CHFR: variants seen among roughly 807,000 people sequenced by gnomAD.
The protein encoded by CHFR is checkpoint with forkhead and ring finger domains.
Under a neutral mutation model 87.6 loss-of-function variants are expected in CHFR, and 57 were observed. The observed-to-expected ratio is 0.65, with a 90% confidence interval of 0.53 to 0.81. The LOEUF is 0.81. Among genes scored for constraint, CHFR ranks in the 30% least tolerant of loss-of-function variants. The pLI, the probability that CHFR is intolerant of heterozygous loss-of-function variation, is 0.00. For missense variants in CHFR, 797 were observed against 865.8 expected, an observed-to-expected ratio of 0.92 and a Z score of 1.00; for synonymous variants, 381 against 359.2, an observed-to-expected ratio of 1.06 and a Z score of -0.69.
chr12:132,877,403 A>G (rs1951653354), intron 3 of CHFR, 152 bp downstream of exon 3: 1 of 521,904 alleles, frequency 1.9e-6, no homozygotes, highest in African/African-American at 2.0e-5. Flanking sequence ...GCTAAGGGAC[A>G]CATGACTGTG....
At chr12:132,866,316 C>T (rs1052854561) in intron 6 of CHFR, 4 of 152,010 alleles carry the variant, frequency 2.6e-5, no homozygotes, top group Admixed American at 1.3e-4. Context: ...GTTAACACAC[C>T]GGAATGTTAC....
chr12:132,856,051 G>A (rs536452144), intron 10 of CHFR, among the ~76,000 whole-genome samples: 1 of 152,232 alleles, frequency 6.6e-6, no homozygotes, highest in South Asian at 2.1e-4. Flanking sequence ...TTATACTATA[G>A]GACTTTATAG....
chr12:132,882,093 A>G (rs781023292), intron 2 of CHFR, among the ~76,000 whole-genome samples: 48 of 152,322 alleles, frequency 3.2e-4, no homozygotes, highest in Middle Eastern at 3.4e-3. Context: ...AAGACTGCAC[A>G]CTTATGTTTA....
intron 12 of CHFR, chr12:132,849,757 T>C (rs947330762): frequency 7.3e-5 from 11 of 150,260 alleles, no homozygotes; most frequent in African/African-American, 2.7e-4. Flanking sequence ...AACTGGCCAA[T>C]TTTTTCATTT....
chr12:132,883,271 CA>C (rs1951810586), intron 2 of CHFR, among the ~76,000 whole-genome samples: 1 of 151,100 alleles, frequency 6.6e-6, no homozygotes, highest in Admixed American at 6.6e-5. Context: ...CTACAAAATA[CA>C]AAAATTAGCC....
At position 132,837,697 on chromosome 12, in the gene CHFR, T is replaced by C. The variant is rs7296084; in HGVS notation, c.*3857A>G. The C allele has an allele frequency of 1, 151,726 of 152,452 alleles. 75,507 individuals are homozygous for C. Among genetic ancestry groups the C allele is most frequent in the Middle Eastern group, 1 (294 of 294 alleles). The allele number at this position is 152,452 out of a possible 1,614,324, so 9.4% of individuals were successfully genotyped here. On this transcript the variant is annotated 3_prime_UTR_variant, in exon 18 of 18. Coordinates refer to ENST00000450056, the MANE Select transcript of CHFR (RefSeq NM_001161346.2). ...AGATCACCCGGCTCCGTCCTGCTGC[T>C]GGTCAGCGCGCGGATCTGCAGGGCT...
intron 6 of CHFR, among the ~76,000 whole-genome samples, chr12:132,865,367 CT>C (rs1030049389): frequency 3.8e-4 from 56 of 147,294 alleles, no homozygotes; most frequent in East Asian, 5.9e-4. Flanking sequence ...GTTTTCTTTT[CT>C]TTTTTTTTTT....
intron 2 of CHFR, among the ~76,000 whole-genome samples, chr12:132,878,024 G>A (rs1159705777): frequency 1.3e-5 from 2 of 152,076 alleles, no homozygotes; most frequent in African/African-American, 4.8e-5. Flanking sequence ...GGATGGTCTC[G>A]ATCTTTTGAC....
intron 2 of CHFR, among the ~76,000 whole-genome samples, chr12:132,883,330 G>T (rs188596077): frequency 6.6e-6 from 1 of 150,996 alleles, no homozygotes; most frequent in Non-Finnish European, 1.5e-5. Flanking sequence ...GGATGCTGAG[G>T]AAGGAGAATC....
intron 16 of CHFR, among the ~76,000 whole-genome samples, 169 bp from the exon 17 acceptor site, chr12:132,843,252 A>G (rs11613325): frequency 0.09 from 13,536 of 151,076 alleles, 772 homozygotes; most frequent in East Asian, 0.14. Flanking sequence ...GAAAGGAAAC[A>G]CATGTTTAAC....
chr12:132,845,583 G>C (rs536667604), intron 15 of CHFR, among the ~76,000 whole-genome samples: 1 of 152,202 alleles, frequency 6.6e-6, no homozygotes, highest in Non-Finnish European at 1.5e-5. Flanking sequence ...CCAGGAGGTC[G>C]AGGCTGCAGT....
At chr12:132,873,467 C>CG (rs1207961506) in intron 3 of CHFR, among the ~76,000 whole-genome samples, 1 of 152,206 alleles carries the variant, frequency 6.6e-6, no homozygotes, top group African/African-American at 2.4e-5. Context: ...CACTTATACA[C>CG]GGGTTTTTTT....
chr12:132,848,355 T>G, intron 13 of CHFR, 200 bp from the exon 14 acceptor site: 1 of 1,001,562 alleles, frequency 1.0e-6, no homozygotes, highest in Non-Finnish European at 1.5e-6. Flanking sequence ...AGATCAGCTC[T>G]CCGAGTCTCC....
At position 132,841,446 on chromosome 12, in the gene CHFR, C is replaced by T; in HGVS notation, c.*108G>A. 1.0e-6 allele frequency: 1 copy of T among 966,048 alleles called. No homozygotes were observed. The allele number at this position is 966,048 out of a possible 1,614,324, so 59.8% of individuals were successfully genotyped here. On this transcript the variant is annotated 3_prime_UTR_variant, in exon 18 of 18. Transcript: ENST00000450056. ...AGAGCACCTGTCGGAGACCCTGCGT[C>T]CCTTCCCTCAGGGGGCTGTGAAAAC...
At chr12:132,873,956 A>G (rs1292687629) in intron 3 of CHFR, among the ~76,000 whole-genome samples, 10 of 152,110 alleles carry the variant, frequency 6.6e-5, no homozygotes, top group Admixed American at 6.5e-4. Context: ...CTCCGACCAC[A>G]CAGCCCTGCT....
chr12:132,870,531 CAA>C (rs376516972), intron 5 of CHFR, among the ~76,000 whole-genome samples, 191 bp downstream of exon 5: 112 of 91,026 alleles, frequency 1.2e-3, no homozygotes, highest in African/African-American at 2.7e-3. Flanking sequence ...AACTCCGTCT[CAA>C]AAAAAAAAAA....
intron 10 of CHFR, chr12:132,853,937 A>C (rs1951006325): frequency 9.6e-6 from 2 of 208,972 alleles, no homozygotes; most frequent in East Asian, 1.2e-4. Flanking sequence ...CTCCCGTTAA[A>C]AGCAGAGCGC....
intron 2 of CHFR, among the ~76,000 whole-genome samples, chr12:132,884,511 AC>A (rs1951843610): frequency 1.3e-5 from 2 of 152,088 alleles, no homozygotes; most frequent in African/African-American, 4.8e-5. Context: ...GAGTGTCTGT[AC>A]CCCCCTAAAA....
At chr12:132,871,838 G>A (rs892310042) in intron 4 of CHFR, 2 of 161,074 alleles carry the variant, frequency 1.2e-5, no homozygotes, top group African/African-American at 4.8e-5. Context: ...GTCCTATACT[G>A]TTCTTCCACA....
Sources: allele counts gnomAD v4.1 joint callset (sites outside exome capture counted in the v4.1 genomes callset), GRCh38; gene constraint gnomAD v4.1.1; transcripts MANE v1.5; gene names NCBI Gene and HGNC (gene_info 2026-07-23, HGNC 2026-07-21).